CDH7: variants seen among roughly 807,000 people sequenced by gnomAD.
The protein encoded by CDH7 is cadherin-7.
Under a neutral mutation model 71.8 loss-of-function variants are expected in CDH7, and 25 were observed. The observed-to-expected ratio is 0.35, with a 90% CI of 0.25 to 0.49. The LOEUF (loss-of-function observed/expected upper bound fraction) is 0.49, where lower values mean the gene tolerates loss of function less well. Among genes scored for constraint, CDH7 ranks in the 20% least tolerant of loss-of-function variants. The probability of loss-of-function intolerance (pLI) is 0.99; values close to 1 mark genes in which losing one functional copy is unlikely to be tolerated. For synonymous variants in CDH7, 381 were observed against 363.8 expected (o/e 1.05, Z -0.54); for missense variants, 862 against 974.6 (o/e 0.88, Z 1.54).
At chr18:65,771,387 C>A (rs995488643) in intron 2 of CDH7, among the ~76,000 whole-genome samples, 5 of 152,020 alleles carry the variant, frequency 3.3e-5, no homozygotes, top group African/African-American at 1.2e-4. Context: ...CGCATGTAAT[C>A]CCAGCATTTT....
chr18:65,809,809 G>A lies in CDH7; in HGVS notation c.316G>A (p.Ala106Thr). 1 of 1,614,078 alleles carries A rather than the reference G, an allele frequency of 6.2e-7. No homozygotes were observed. Among genetic ancestry groups the A allele is most frequent in the Non-Finnish European group, 8.5e-7 (1 of 1,179,984 alleles). The change falls in exon 3 of 12, where the codon GCC becomes ACC. Residue 106 changes from alanine (A) to threonine (T), a missense_variant. Physicochemically the swap from Ala to Thr is moderately conservative, Grantham distance 58. Transcript: ENST00000397968. The stretch of plus-strand genomic sequence containing the variant: ...TGATGAGAACACTGGGGATATTCAT[G>A]CCACCAAGAGACTGGATCGTGAGGA... ...IIDENTGDIH[A>T]TKRLDREEQA... is the part of the protein sequence containing the mutation.
At chr18:65,761,105 A>G (rs965877764) in intron 1 of CDH7, among the ~76,000 whole-genome samples, 2 of 152,184 alleles carry the variant, frequency 1.3e-5, no homozygotes, top group Non-Finnish European at 2.9e-5. Flanking sequence ...TGTTCTCTGC[A>G]CAGGGTGCAG....
intron 7 of CDH7, among the ~76,000 whole-genome samples, chr18:65,854,803 C>G (rs1913290008): frequency 6.6e-6 from 1 of 152,050 alleles, no homozygotes; most frequent in Non-Finnish European, 1.5e-5. Context: ...TTATAATCCT[C>G]TTATCAAACA....
chr18:65,871,740 T>C lies in CDH7; in HGVS notation c.1865-8661T>C, dbSNP rs1568231594. On this transcript the variant is annotated intron_variant, in intron 11 of 11. Coordinates refer to ENST00000397968, the MANE Select transcript of CDH7 (RefSeq NM_004361.5). The stretch of plus-strand genomic sequence containing the variant: ...GAGTGAGAGCCATTGGACAGAAAGT[T>C]GTTATCAGTAAAGGAAGTGGTCATA... Among the ~76,000 whole-genome samples the C allele has an allele frequency of 2.0e-5, 3 of 152,222 alleles. No homozygotes were observed. In the South Asian group the frequency reaches 6.2e-4, roughly 31 times the overall value.
At chr18:65,791,262 C>A (rs576788391) in intron 2 of CDH7, among the ~76,000 whole-genome samples, 22 of 152,302 alleles carry the variant, frequency 1.4e-4, no homozygotes, top group African/African-American at 5.3e-4. Context: ...CAATGTTACA[C>A]ATTTAATCGG....
chr18:65,871,882 A>C (rs1197143945), intron 11 of CDH7, among the ~76,000 whole-genome samples: 1 of 152,168 alleles, frequency 6.6e-6, no homozygotes, highest in Non-Finnish European at 1.5e-5. Flanking sequence ...GGTTATCCAA[A>C]GAGATAGATG....
intron 11 of CDH7, among the ~76,000 whole-genome samples, chr18:65,869,545 ATTT>A (rs10696115): frequency 1.4e-3 from 126 of 91,364 alleles, no homozygotes; most frequent in South Asian, 8.5e-3. Flanking sequence ...AAGTGGGTCA[ATTT>A]TTTTTTTTTT....
intron 2 of CDH7, among the ~76,000 whole-genome samples, chr18:65,793,715 A>G (rs150759969): frequency 2.6e-5 from 4 of 152,270 alleles, no homozygotes; most frequent in Non-Finnish European, 5.9e-5. Context: ...TAAGAGTAAG[A>G]TAATCTTAGA....
intron 6 of CDH7, among the ~76,000 whole-genome samples, chr18:65,839,498 G>T (rs1340702319): frequency 6.6e-6 from 1 of 152,150 alleles, no homozygotes; most frequent in Admixed American, 6.6e-5. Flanking sequence ...CACCTTGGGG[G>T]TTAGGATTTG....
intron 11 of CDH7, among the ~76,000 whole-genome samples, chr18:65,879,775 C>T (rs957874182): frequency 1.3e-5 from 2 of 152,128 alleles, no homozygotes; most frequent in Admixed American, 6.6e-5. Flanking sequence ...GAAAATCTCA[C>T]AGCTTGTATT....
chr18:65,841,218 C>T (rs2143983661), intron 6 of CDH7, among the ~76,000 whole-genome samples: 1 of 152,122 alleles, frequency 6.6e-6, no homozygotes, highest in African/African-American at 2.4e-5. Context: ...TGTGTTTTTT[C>T]ATGACTTTTT....
At chr18:65,770,706 G>A (rs929480008) in intron 2 of CDH7, among the ~76,000 whole-genome samples, 3 of 152,148 alleles carry the variant, frequency 2.0e-5, no homozygotes, top group African/African-American at 7.2e-5. Flanking sequence ...TAATGGAACA[G>A]CATTAGAATT....
At chr18:65,756,444 G>T (rs1366571759) in intron 1 of CDH7, among the ~76,000 whole-genome samples, 1 of 152,122 alleles carries the variant, frequency 6.6e-6, no homozygotes, top group Non-Finnish European at 1.5e-5. Flanking sequence ...TTTAGTCTTG[G>T]ACTATCATTC....
intron 2 of CDH7, among the ~76,000 whole-genome samples, chr18:65,786,685 T>G (rs572815606): frequency 2.2e-4 from 33 of 152,110 alleles, no homozygotes; most frequent in African/African-American, 7.5e-4. Flanking sequence ...TCTCTCTCTC[T>G]TTCTCTTTTT....
At chr18:65,824,615 G>T (rs144012234) in intron 5 of CDH7, 29 bp from the exon 6 acceptor site, 1 of 1,461,254 alleles carries the variant, frequency 6.8e-7, no homozygotes, top group South Asian at 1.4e-5. Context: ...TTGGTGTAAC[G>T]TGTTCATTTC....
intron 6 of CDH7, among the ~76,000 whole-genome samples, chr18:65,830,637 C>A (rs895547810): frequency 8.7e-5 from 11 of 126,442 alleles, no homozygotes; most frequent in Non-Finnish European, 1.5e-4. Context: ...TTCCCCTTCC[C>A]TTCCTTCTTT....
intron 2 of CDH7, among the ~76,000 whole-genome samples, chr18:65,778,664 TTC>T (rs914745321): frequency 2.3e-5 from 3 of 129,650 alleles, no homozygotes; most frequent in Non-Finnish European, 4.9e-5. Context: ...AGAGTTTATT[TTC>T]TTTTTTTTTG....
Position 65,809,727 on chromosome 18 carries a change from A to T in CDH7, c.234A>T (p.Gly78=), listed in dbSNP as rs1911453321. The T allele has an allele frequency of 1.2e-6, 2 of 1,613,898 alleles. No individual in the cohort carries two copies. Among genetic ancestry groups the T allele is most frequent in the Non-Finnish European group, 1.7e-6 (2 of 1,179,892 alleles). Residue 78 remains glycine (G), a synonymous_variant, in exon 3 of 12, where the codon GGA becomes GGT. Coordinates refer to ENST00000397968, the MANE Select transcript of CDH7 (RefSeq NM_004361.5). ...AGCTTCACTCTGATGTTGATAAAGGAGATGGTTCCATCAAATACATCTTGT... is the reference window on the plus strand; with the variant it reads ...AGCTTCACTCTGATGTTGATAAAGGTGATGGTTCCATCAAATACATCTTGT... ...VGKLHSDVDK[G]DGSIKYILSG...
chr18:65,796,265 C>T (rs1599012196), intron 2 of CDH7, among the ~76,000 whole-genome samples: 1 of 152,042 alleles, frequency 6.6e-6, no homozygotes, highest in Non-Finnish European at 1.5e-5. Context: ...AACCCAATGT[C>T]CTTTTTTCCA....
Sources: gnomAD v4.1 joint callset for allele counts (sites outside exome capture counted in the v4.1 genomes callset) on GRCh38, gnomAD v4.1.1 for gene constraint, MANE v1.5 for transcripts, NCBI Gene and HGNC (gene_info 2026-07-23, HGNC 2026-07-21) for gene names.